Variants in PITHD1 observed in about 807,000 individuals in gnomAD.
PITHD1 encodes PITH domain-containing protein 1.
Under a neutral mutation model 27.5 loss-of-function variants are expected in PITHD1, and 8 were observed. The observed-to-expected ratio is 0.29, with a 90% CI of 0.17 to 0.52. PITHD1 has a LOEUF of 0.52. Among genes scored for constraint, PITHD1 ranks in the 20% least tolerant of loss-of-function variants. The pLI, the probability that PITHD1 is intolerant of heterozygous loss-of-function variation, is 0.96. For missense variants in PITHD1, 233 were observed against 283.9 expected (o/e 0.82, Z 1.29); for synonymous variants, 118 against 106.8 (o/e 1.10, Z -0.64).
rs562528719 is a variant in PITHD1 at position 23,787,403 on chromosome 1, G to T, written c.*27G>T. 47 of 1,279,336 alleles carry T rather than the reference G, an allele frequency of 3.7e-5. No homozygotes were observed. The South Asian group carries it at 5.3e-4, about 14-fold the overall frequency. The allele number at this position is 1,279,336 out of a possible 1,614,324, so 79.2% of individuals were successfully genotyped here. The stretch of plus-strand genomic sequence containing the variant: ...GGCTGGCCAAGGCTCCCATAGAGGC[G>T]CTGTGTCAGTGAAGATGTACGACTA... On this transcript the variant is annotated 3_prime_UTR_variant, in exon 6 of 6. Coordinates refer to ENST00000246151, the MANE Select transcript of PITHD1 (RefSeq NM_020362.5).
At chr1:23,783,340 TATATATAC>T (rs1417220968) in intron 3 of PITHD1, among the ~76,000 whole-genome samples, 2 of 149,562 alleles carry the variant, frequency 1.3e-5, no homozygotes, top group Non-Finnish European at 3.0e-5. Flanking sequence ...CATATATGTG[TATATATAC>T]ATATATACGC....
chr1:23,784,296 AGTG>A (rs1638652895), intron 3 of PITHD1, among the ~76,000 whole-genome samples: 1 of 126,400 alleles, frequency 7.9e-6, no homozygotes, highest in Non-Finnish European at 1.5e-5. Flanking sequence ...GCTGGAGTGC[AGTG>A]GCGCCATCTC....
intron 3 of PITHD1, among the ~76,000 whole-genome samples, 183 bp from the exon 4 acceptor site, chr1:23,785,492 C>CA (rs559942160): frequency 0.045 from 2,707 of 59,544 alleles, 69 homozygotes; most frequent in African/African-American, 0.12. Context: ...GACTCTGTCT[C>CA]AAAAAAAAAA....
In PITHD1 at chr1:23,786,431, G is replaced by T. The variant is rs746522018; in HGVS notation, c.534+8G>T. On this transcript the variant is annotated splice_region_variant and intron_variant, in intron 5 of 5. Transcript: ENST00000246151. ...AGAGGAGAGTGGACTGAGGTAAGAT[G>T]GGGTTGGAAAGGTTTTCCCCTCATG... 1.1e-5 allele frequency: 16 copies of T among 1,457,320 alleles called. No individual in the cohort carries two copies. The South Asian group carries it at 1.8e-4, about 16-fold the overall frequency. The allele number at this position is 1,457,320 out of a possible 1,614,324, so 90.3% of individuals were successfully genotyped here.
intron 3 of PITHD1, 98 bp from the exon 4 acceptor site, chr1:23,785,577 G>T (rs555888203): frequency 3.8e-5 from 24 of 631,394 alleles, no homozygotes; most frequent in Admixed American, 3.7e-4. Flanking sequence ...GTCTCCTATT[G>T]ATAGAACCAA....
intron 3 of PITHD1, among the ~76,000 whole-genome samples, chr1:23,784,728 A>T (rs926262197): frequency 1.3e-5 from 2 of 151,164 alleles, no homozygotes; most frequent in African/African-American, 4.9e-5. Context: ...TTTACTTTTT[A>T]TTTATTCTGA....
chr1:23,783,991 AC>A (rs1430706343), intron 3 of PITHD1, among the ~76,000 whole-genome samples: 2 of 152,118 alleles, frequency 1.3e-5, no homozygotes, highest in Non-Finnish European at 2.9e-5. Context: ...CTCCATACCA[AC>A]CGTGTGGAAT....
At chr1:23,781,471 A>AG (rs1638600922) in intron 3 of PITHD1, among the ~76,000 whole-genome samples, 3 of 151,994 alleles carry the variant, frequency 2.0e-5, no homozygotes, top group Admixed American at 2.0e-4. Context: ...TCAAAAAAAA[A>AG]AAAAAAAATT....
At position 23,782,987 on chromosome 1, in the gene PITHD1, GTATTT is replaced by G. The variant is rs368279605; in HGVS notation, c.321-2666_321-2662del. 2.6e-5 allele frequency among the ~76,000 whole-genome samples: 4 copies of G among 151,910 alleles called. No individual in the cohort carries two copies. The South Asian group carries it at 6.2e-4, about 24-fold the overall frequency. ...TATTGTAAAATGGTATTAAATATAT[GTATTT>G]TATTTTATTTTATTTTATTTTTGAG... On this transcript the variant is annotated intron_variant, in intron 3 of 5. Transcript: ENST00000246151.
intron 3 of PITHD1, among the ~76,000 whole-genome samples, chr1:23,784,892 C>CT (rs1336719022): frequency 2.0e-5 from 3 of 152,136 alleles, no homozygotes; most frequent in Non-Finnish European, 4.4e-5. Context: ...TGTAAGGTGA[C>CT]TGAGTGTATG....
rs141961131 is a variant in PITHD1, at chr1:23,786,392, T to G, written c.503T>G (p.Phe168Cys). The G allele has an allele frequency of 1.9e-6, 3 of 1,601,928 alleles. No individual in the cohort carries two copies. Among genetic ancestry groups the G allele is most frequent in the Non-Finnish European group, 2.6e-6 (3 of 1,169,732 alleles). ...TTCGGAGCAGATACGACAAAGGTCT[T>G]TTATATTGGCCTGAGAGGAGAGTGG... ...KNFGADTTKV[F>C]YIGLRGEWTE... is the part of the protein sequence containing the mutation. The change falls in exon 5 of 6, where the codon TTT becomes TGT. Residue 168 changes from phenylalanine (F) to cysteine (C), a missense_variant. By Grantham distance (205) the Phe-to-Cys change is radical. Transcript: ENST00000246151.
intron 3 of PITHD1, among the ~76,000 whole-genome samples, chr1:23,783,160 C>CTAATTTTTTGTATTTTT (rs1553128297): frequency 1.3e-5 from 2 of 151,152 alleles, no homozygotes; most frequent in African/African-American, 4.9e-5. Flanking sequence ...CCATGTCTGG[C>CTAATTTTTTGTATTTTT]TAATTTTTTG....
intron 3 of PITHD1, among the ~76,000 whole-genome samples, chr1:23,784,531 C>T (rs897657837): frequency 1.3e-5 from 2 of 152,116 alleles, no homozygotes; most frequent in African/African-American, 2.4e-5. Context: ...TGAGCCACTG[C>T]GCCCGGCGGC....
intron 3 of PITHD1, among the ~76,000 whole-genome samples, chr1:23,781,602 A>T (rs1638602397): frequency 6.6e-6 from 1 of 152,166 alleles, no homozygotes; most frequent in South Asian, 2.1e-4. Flanking sequence ...AATACCTTTG[A>T]TGCTTTTGGA....
intron 2 of PITHD1, 90 bp downstream of exon 2, chr1:23,779,571 TTTGCTTCTAGAAATGGGATAAA>T: frequency 9.9e-7 from 1 of 1,014,852 alleles, no homozygotes; most frequent in East Asian, 2.4e-5. Context: ...AGAGCACACA[TTTGCTTCTAGAAATGGGATAAA>T]TTACTTTGGT....
intron 3 of PITHD1, among the ~76,000 whole-genome samples, chr1:23,780,494 A>G (rs1638580442): frequency 6.6e-6 from 1 of 152,152 alleles, no homozygotes; most frequent in Non-Finnish European, 1.5e-5. Context: ...GAAGGGGAAA[A>G]CTGCTTTCTG....
In PITHD1 at chr1:23,778,696, C is replaced by T; in HGVS notation, c.181C>T (p.Arg61Trp). The T allele has an allele frequency of 1.5e-6, 2 of 1,298,610 alleles. No homozygotes were observed. Among genetic ancestry groups the T allele is most frequent in the East Asian group, 3.1e-5 (1 of 32,784 alleles). The allele number at this position is 1,298,610 out of a possible 1,614,324, so 80.4% of individuals were successfully genotyped here. ...CGGCGTCTTCAAGCCGTGGGAGGAGCGGACCGACCGCTCCAAGGTGGGCCG... is the reference window on the plus strand; with the variant it reads ...CGGCGTCTTCAAGCCGTGGGAGGAGTGGACCGACCGCTCCAAGGTGGGCCG... ...GRGVFKPWEE[R>W]TDRSKFVESD... Residue 61 changes from arginine (R) to tryptophan (W), a missense_variant, in exon 1 of 6, where the codon CGG becomes TGG. Physicochemically the swap from Arg to Trp is moderately radical, Grantham distance 101 (BLOSUM62 -3). Transcript: ENST00000246151.
At position 23,787,354 on chromosome 1, in the gene PITHD1, C is replaced by A; in HGVS notation, c.614C>A (p.Pro205Gln). Residue 205 changes from proline to glutamine, a missense_variant, in exon 6 of 6, where the codon CCA becomes CAA. Physicochemically the swap from Pro to Gln is moderately conservative, Grantham distance 76. Coordinates refer to ENST00000246151, the MANE Select transcript of PITHD1 (RefSeq NM_020362.5). ...PADHRVHQVT[P>Q]QTHFIS ...GACCATAGGGTCCATCAGGTTACCC[C>A]ACAGACACACTTTATTTCCTAAGGG... 6.2e-7 allele frequency: 1 copy of A among 1,605,882 alleles called. No individual in the cohort carries two copies. The highest frequency in any genetic ancestry group is 8.5e-7 in the Non-Finnish European group (1 of 1,172,964).
intron 5 of PITHD1, among the ~76,000 whole-genome samples, chr1:23,786,925 T>C (rs894530318): frequency 1.3e-5 from 2 of 152,148 alleles, no homozygotes; most frequent in African/African-American, 4.8e-5. Context: ...CACAGTTTTC[T>C]ACTTTCAAAT....
Sources: gnomAD v4.1 joint callset for allele counts (sites outside exome capture counted in the v4.1 genomes callset) on GRCh38, gnomAD v4.1.1 for gene constraint, MANE v1.5 for transcripts, NCBI Gene and HGNC (gene_info 2026-07-23, HGNC 2026-07-21) for gene names.